The following PRR5 variants were observed in gnomAD, a reference collection of about 807,000 sequenced individuals.
The protein encoded by PRR5 is proline-rich protein 5.
Under a neutral mutation model 30.6 loss-of-function variants are expected in PRR5, and 25 were observed. That is an observed-to-expected ratio of 0.82 (90% CI 0.60 to 1.14). The LOEUF (loss-of-function observed/expected upper bound fraction) is 1.14. Among genes scored for constraint, PRR5 ranks in the 50% most tolerant of loss-of-function variants. The pLI is 0.00. For missense variants in PRR5, 600 were observed against 547.1 expected, an observed-to-expected ratio of 1.10 and a Z score of -0.96; for synonymous variants, 286 against 247.1, an observed-to-expected ratio of 1.16 and a Z score of -1.48.
chr22:44,700,803 G>C (rs1440414967), upstream of PRR5, among the ~76,000 whole-genome samples: 2 of 152,174 alleles, frequency 1.3e-5, no homozygotes, highest in Non-Finnish European at 2.9e-5. Context: ...GAACACAGGA[G>C]GTACTCAGGA....
At position 44,725,312 on chromosome 22, in the gene PRR5, G is replaced by A; in HGVS notation, c.264+20G>A. 5 of 1,612,058 alleles carry A rather than the reference G, an allele frequency of 3.1e-6. No homozygotes were observed. Among genetic ancestry groups the A allele is most frequent in the Non-Finnish European group, 3.4e-6 (4 of 1,179,888 alleles). ...CTGCAGGTAGGTGGGTCTTGCTCCA[G>A]CCAGGCTGGGCCTGCCTCATGAGCC... On this transcript the variant is annotated intron_variant, in intron 3 of 7. Coordinates refer to ENST00000336985, the MANE Select transcript of PRR5 (RefSeq NM_181333.4).
chr22:44,681,759 A>AG (rs1924310834), intron 1 of PRR5, among the ~76,000 whole-genome samples: 2 of 152,170 alleles, frequency 1.3e-5, no homozygotes, highest in Non-Finnish European at 2.9e-5. Flanking sequence ...ACTGAGTCCC[A>AG]GGGGGACACC....
At chr22:44,681,834 G>A (rs769993440) in intron 1 of PRR5, among the ~76,000 whole-genome samples, 4 of 152,202 alleles carry the variant, frequency 2.6e-5, no homozygotes, top group Non-Finnish European at 5.9e-5. Context: ...AGGAGATGAT[G>A]TGGGCAAACT....
chr22:44,688,866 T>C (rs1047422597), intron 1 of PRR5, among the ~76,000 whole-genome samples: 1 of 152,142 alleles, frequency 6.6e-6, no homozygotes, highest in Non-Finnish European at 1.5e-5. Context: ...TGCACGCCTG[T>C]GATCCCAGCT....
chr22:44,671,039 G>A (rs1470860211), intron 1 of PRR5, among the ~76,000 whole-genome samples: 1 of 152,190 alleles, frequency 6.6e-6, no homozygotes, highest in African/African-American at 2.4e-5. Flanking sequence ...CAGATGGCAA[G>A]GAGGGCCCCT....
intron 6 of PRR5, 24 bp downstream of exon 6, chr22:44,732,415 G>C (rs375509595): frequency 1.3e-6 from 2 of 1,592,022 alleles, no homozygotes; most frequent in African/African-American, 1.3e-5. Flanking sequence ...GCAGAGGGTC[G>C]GGCATGGGGA....
chr22:44,730,396 G>A (rs1029147416), intron 4 of PRR5: 3 of 985,266 alleles, frequency 3.0e-6, no homozygotes, highest in East Asian at 1.1e-4. Context: ...GTGCATCCCT[G>A]GACCCAGCAG....
chr22:44,735,106 T>C lies in PRR5; in HGVS notation c.635T>C (p.Leu212Pro). ...GTCCAGAAGGTGGTGTCGCCATACC[T>C]GGGCACCTACGGCCTCCACTCCAGC... The part of the protein sequence containing the change: ...TLVQKVVSPY[L>P]GTYGLHSSEG... The change falls in exon 7 of 8, where the codon CTG becomes CCG. Residue 212 changes from leucine (L) to proline (P), a missense_variant. Coordinates refer to ENST00000336985, the MANE Select transcript of PRR5 (RefSeq NM_181333.4). 6.2e-7 allele frequency: 1 copy of C among 1,612,802 alleles called. No homozygotes were observed. The highest frequency in any genetic ancestry group is 8.5e-7 in the Non-Finnish European group (1 of 1,179,600).
At chr22:44,688,763 G>A (rs1200633383) in intron 1 of PRR5, among the ~76,000 whole-genome samples, 2 of 152,062 alleles carry the variant, frequency 1.3e-5, no homozygotes, top group African/African-American at 2.4e-5. Context: ...CGAGGCAGGC[G>A]GATCACTTGA....
At chr22:44,720,775 A>G (rs995601116) in intron 2 of PRR5, among the ~76,000 whole-genome samples, 3 of 152,180 alleles carry the variant, frequency 2.0e-5, no homozygotes, top group African/African-American at 7.2e-5. Context: ...GGGGATGCTC[A>G]GCCAGTGATG....
chr22:44,722,836 T>G (rs186168459), intron 2 of PRR5, among the ~76,000 whole-genome samples: 1 of 152,212 alleles, frequency 6.6e-6, no homozygotes, highest in Non-Finnish European at 1.5e-5. Flanking sequence ...TATTTGGGCT[T>G]TTTTTTCCCA....
chr22:44,732,957 G>A (rs6006859), intron 6 of PRR5, among the ~76,000 whole-genome samples: 169 of 146,506 alleles, frequency 1.2e-3, no homozygotes, highest in African/African-American at 3.9e-3. Flanking sequence ...GCACACATAC[G>A]CGTGCACACG....
chr22:44,729,331 C>T (rs1352158969), intron 4 of PRR5: 13 of 983,756 alleles, frequency 1.3e-5, no homozygotes, highest in Non-Finnish European at 1.6e-5. Context: ...ACAGGGCCCT[C>T]AGCACTCGGA....
chr22:44,702,376 G>A lies in PRR5; in HGVS notation c.-99G>A, dbSNP rs1225623270. On this transcript the variant is annotated 5_prime_UTR_variant, in exon 1 of 8. Transcript: ENST00000336985. ...GCTTCCTGCTCTCGCCGGAGTTTCC[G>A]CGTAGAGGGCGCATCGCCGGCCCGG... 37 of 1,197,622 alleles carry A rather than the reference G, an allele frequency of 3.1e-5. No homozygotes were observed. The East Asian group carries it at 1.0e-3, about 33-fold the overall frequency. 74.2% of individuals were successfully genotyped at this position (1,197,622 alleles called of 1,614,324 possible).
intron 1 of PRR5, among the ~76,000 whole-genome samples, chr22:44,713,114 G>A (rs963284577): frequency 1.3e-5 from 2 of 152,212 alleles, no homozygotes; most frequent in Non-Finnish European, 2.9e-5. Context: ...GGAGTGTGGG[G>A]AGGGGCCATG....
chr22:44,702,444 C>A lies in PRR5; in HGVS notation c.-31C>A. The A allele has an allele frequency of 7.7e-7, 1 of 1,303,068 alleles. No individual in the cohort carries two copies. 80.7% of individuals were successfully genotyped at this position (1,303,068 alleles called of 1,614,324 possible). A position where few individuals can be genotyped will look rare whatever the true frequency, so the allele number is the denominator to read the frequency against. ...GGCGCAGGGCGCGGCGTGGGGCGCGCGTGGGCGCGGCGCAGGCGGCCCGGG... is the reference window on the plus strand; with the variant it reads ...GGCGCAGGGCGCGGCGTGGGGCGCGAGTGGGCGCGGCGCAGGCGGCCCGGG... On this transcript the variant is annotated 5_prime_UTR_variant, in exon 1 of 8. Coordinates refer to ENST00000336985, the MANE Select transcript of PRR5 (RefSeq NM_181333.4).
chr22:44,731,854 G>A, intron 5 of PRR5, 33 bp downstream of exon 5: 1 of 1,600,352 alleles, frequency 6.2e-7, no homozygotes, highest in East Asian at 2.3e-5. Context: ...GGGAAGCCCA[G>A]TGCCCCTGCT....
At chr22:44,685,924 C>G (rs571940579) in intron 1 of PRR5, among the ~76,000 whole-genome samples, 6 of 152,338 alleles carry the variant, frequency 3.9e-5, no homozygotes, top group African/African-American at 1.4e-4. Flanking sequence ...ATCCTTTCTC[C>G]CTGGGGGAGC....
At chr22:44,671,683 A>C (rs1923435037) in intron 1 of PRR5, among the ~76,000 whole-genome samples, 1 of 152,162 alleles carries the variant, frequency 6.6e-6, no homozygotes, top group Non-Finnish European at 1.5e-5. Flanking sequence ...CAAGGTGCAG[A>C]TTGGAATAAA....
Sources: allele counts gnomAD v4.1 joint callset (sites outside exome capture counted in the v4.1 genomes callset), GRCh38; gene constraint gnomAD v4.1.1; transcripts MANE v1.5; gene names NCBI Gene and HGNC (gene_info 2026-07-23, HGNC 2026-07-21).